Variants in PRR11 observed in about 807,000 individuals in gnomAD.
PRR11 encodes proline-rich protein 11.
PRR11 carries 30 observed loss-of-function variants against 45.6 expected under a neutral mutation model. That is an observed-to-expected ratio of 0.66 (90% CI 0.49 to 0.89). The LOEUF is 0.89. PRR11 is among the 40% of genes least tolerant of loss of function. PRR11 has a pLI of 0.00. For missense variants in PRR11, 373 were observed against 424.8 expected (o/e 0.88, Z 1.07); for synonymous variants, 128 against 153.5 (o/e 0.83, Z 1.23).
chr17:59,167,416 T>A (rs1307270341), intron 1 of PRR11, among the ~76,000 whole-genome samples: 1 of 152,204 alleles, frequency 6.6e-6, no homozygotes, highest in Non-Finnish European at 1.5e-5. Context: ...GCTATCTAGC[T>A]GTAATTATAT....
At chr17:59,190,335 G>C (rs2046835172) in intron 4 of PRR11, among the ~76,000 whole-genome samples, 1 of 152,070 alleles carries the variant, frequency 6.6e-6, no homozygotes, top group Non-Finnish European at 1.5e-5. Flanking sequence ...AGCTGGGCGT[G>C]TTGTCACACA....
At chr17:59,170,392 T>A (rs181294685) in intron 2 of PRR11, among the ~76,000 whole-genome samples, 117 of 152,280 alleles carry the variant, frequency 7.7e-4, no homozygotes, top group Admixed American at 2.2e-3. Context: ...TAATTTTTTA[T>A]TTTAATTTTT....
At chr17:59,193,141 G>A (rs558964595) in intron 4 of PRR11, among the ~76,000 whole-genome samples, 1 of 152,230 alleles carries the variant, frequency 6.6e-6, no homozygotes, top group East Asian at 1.9e-4. Context: ...GAACTCCTGG[G>A]CTCAAGCAAT....
intron 3 of PRR11, 79 bp from the exon 4 acceptor site, chr17:59,185,361 C>A: frequency 6.5e-7 from 1 of 1,538,870 alleles, no homozygotes; most frequent in Non-Finnish European, 8.8e-7. Flanking sequence ...AAACATACAT[C>A]AAGTCACTTT....
chr17:59,167,343 G>A (rs1481508008), intron 1 of PRR11, among the ~76,000 whole-genome samples: 1 of 152,042 alleles, frequency 6.6e-6, no homozygotes, highest in Non-Finnish European at 1.5e-5. Context: ...TTTGAAACTA[G>A]ATAATATATT....
intron 2 of PRR11, 58 bp downstream of exon 2, chr17:59,169,938 AGT>A: frequency 6.7e-7 from 1 of 1,502,956 alleles, no homozygotes; most frequent in Non-Finnish European, 8.9e-7. Flanking sequence ...TTTAAGATAG[AGT>A]TTCAGATTTA....
chr17:59,157,974 A>G lies in PRR11; in HGVS notation c.-6+2169A>G, dbSNP rs369489989. Among the ~76,000 whole-genome samples, 38 of 152,340 alleles carry G rather than the reference A, an allele frequency of 2.5e-4. 2 individuals carry two copies. The East Asian group carries it at 6.0e-3, about 24-fold the overall frequency. On this transcript the variant is annotated intron_variant, in intron 1 of 9. Transcript: ENST00000262293. ...CTAGTCACTAGAAGAGACTATGGCA[A>G]AGGGCCATTAGAGCTAAGTTGTGAA... is the stretch of plus-strand genomic sequence containing the variant.
chr17:59,169,155 A>G (rs2046694394), intron 1 of PRR11, among the ~76,000 whole-genome samples: 1 of 144,512 alleles, frequency 6.9e-6, no homozygotes. Flanking sequence ...TGGGAGTGCA[A>G]TGGTGCAATC....
At chr17:59,199,596 AC>A (rs1259446443) in intron 9 of PRR11, among the ~76,000 whole-genome samples, 1 of 152,212 alleles carries the variant, frequency 6.6e-6, no homozygotes, top group African/African-American at 2.4e-5. Context: ...TCTGTGAAGA[AC>A]AGCCATCCGT....
intron 2 of PRR11, chr17:59,179,601 T>G (rs1446014811): frequency 8.8e-5 from 133 of 1,509,510 alleles, no homozygotes; most frequent in Non-Finnish European, 1.1e-4. Context: ...AAGTTTCCTC[T>G]TTTTTAAAAG....
intron 2 of PRR11, among the ~76,000 whole-genome samples, chr17:59,183,932 T>C (rs2046801136): frequency 6.6e-6 from 1 of 150,666 alleles, no homozygotes; most frequent in African/African-American, 2.5e-5. Context: ...ACCCCATCTC[T>C]AAAAAAACAA....
At chr17:59,156,407 A>T (rs2046623822) in intron 1 of PRR11, among the ~76,000 whole-genome samples, 1 of 142,384 alleles carries the variant, frequency 7.0e-6, no homozygotes, top group Non-Finnish European at 1.6e-5. Context: ...AGCAATGCTT[A>T]AAAAAAAAAA....
chr17:59,185,096 G>T lies in PRR11; in HGVS notation c.171G>T (p.Trp57Cys). Residue 57 changes from tryptophan to cysteine, a missense_variant, in exon 3 of 10, where the codon TGG (tryptophan) becomes TGT (cysteine). Transcript: ENST00000262293. ...TAGATATATCTCAAAGCAGAAGCTG[G>T]CTAACATCATCCTGGAACTTCAATT... is the stretch of plus-strand genomic sequence containing the variant. ...SSIDISQSRS[W>C]LTSSWNFNFP... The T allele has an allele frequency of 6.2e-7, 1 of 1,613,568 alleles. No individual in the cohort carries two copies.
At chr17:59,162,213 GACACACACAC>G (rs58983044) in intron 1 of PRR11, among the ~76,000 whole-genome samples, 33 of 139,584 alleles carry the variant, frequency 2.4e-4, no homozygotes, top group African/African-American at 3.1e-4. Flanking sequence ...ACCCAAGTCA[GACACACACAC>G]ACACACACAC....
Position 59,206,276 on chromosome 17 carries a change from G to A in PRR11, c.*4645G>A, listed in dbSNP as rs2147861409. Among the ~76,000 whole-genome samples the A allele has an allele frequency of 6.6e-6, 1 of 152,218 alleles. No individual in the cohort carries two copies. Among genetic ancestry groups the A allele is most frequent in the African/African-American group, 2.4e-5 (1 of 41,540 alleles). On this transcript the variant is annotated 3_prime_UTR_variant, in exon 10 of 10. Transcript: ENST00000262293. ...AGCTACTCAGGAGACTGAGGTGGAA[G>A]AATCACTTGAGCCCGGGAGGTTGAG...
At chr17:59,176,581 G>A (rs1274931711) in intron 2 of PRR11, among the ~76,000 whole-genome samples, 4 of 151,098 alleles carry the variant, frequency 2.6e-5, no homozygotes, top group Non-Finnish European at 5.9e-5. Flanking sequence ...GAAGCATCGT[G>A]TCCGCTCCTT....
rs1233844376 is a variant in PRR11 at position 59,203,723 on chromosome 17, T to G, written c.*2092T>G. 6.6e-6 allele frequency: 1 copy of G among 151,388 alleles called. No homozygotes were observed. The highest frequency in any genetic ancestry group is 2.4e-5 in the African/African-American group (1 of 41,132). The allele number at this position is 151,388 out of a possible 1,614,324, so 9.4% of individuals were successfully genotyped here. Reference sequence around the variant, plus strand: ...AAAATACAAAATTAGCCAGGTGTGGTGTCACGCACCTGTAGTCCCAGTTAC... The same window carrying G: ...AAAATACAAAATTAGCCAGGTGTGGGGTCACGCACCTGTAGTCCCAGTTAC... On this transcript the variant is annotated 3_prime_UTR_variant, in exon 10 of 10. Coordinates refer to ENST00000262293, the MANE Select transcript of PRR11 (RefSeq NM_018304.4).
chr17:59,179,092 C>G (rs1183790532), intron 2 of PRR11, among the ~76,000 whole-genome samples: 2 of 152,098 alleles, frequency 1.3e-5, no homozygotes, highest in African/African-American at 4.8e-5. Flanking sequence ...CTCGGCCTCC[C>G]GAGTTCAAGC....
At chr17:59,175,541 C>T (rs539959576) in intron 2 of PRR11, among the ~76,000 whole-genome samples, 13 of 152,270 alleles carry the variant, frequency 8.5e-5, no homozygotes, top group African/African-American at 3.1e-4. Context: ...GCAGGTGGGT[C>T]GCTTGAGGCC....
Sources: allele counts gnomAD v4.1 joint callset (sites outside exome capture counted in the v4.1 genomes callset), GRCh38; gene constraint gnomAD v4.1.1; transcripts MANE v1.5; gene names NCBI Gene and HGNC (gene_info 2026-07-23, HGNC 2026-07-21).